Variants in AWAT2 observed in about 807,000 individuals in gnomAD.
The protein encoded by AWAT2 is acyl-CoA wax alcohol acyltransferase 2, also known as 11-cis-RE-synthase.
In AWAT2, 9 loss-of-function variants were observed where a neutral mutation model predicts 22.3. That is an observed-to-expected ratio of 0.40 (90% CI 0.24 to 0.70). The LOEUF (loss-of-function observed/expected upper bound fraction) is 0.70, where lower values mean the gene tolerates loss of function less well. Among genes scored for constraint, AWAT2 ranks in the 30% least tolerant of loss-of-function variants. The pLI is 0.36. For missense variants in AWAT2, 217 were observed against 265.9 expected (o/e 0.82, Z 1.28); for synonymous variants, 100 against 93.4 (o/e 1.07, Z -0.40).
rs1451706085 is a variant in AWAT2, at chrX:70,044,437, G to A, written c.111C>T (p.Leu37=). The change falls in exon 2 of 8, where the codon CTC becomes CTT. Residue 37 remains leucine, a synonymous_variant. Transcript: ENST00000276101. The stretch of plus-strand genomic sequence containing the variant: ...AGTATGGTGTGAACACCACCAGGTA[G>A]AGGTTGACAGCAATCACAGTGGTTG... The part of the protein sequence containing the change: ...LITTTVIAVN[L]YLVVFTPYWP... 7.4e-6 allele frequency: 9 copies of A among 1,211,710 alleles called. No homozygotes were observed. Among genetic ancestry groups the A allele is most frequent in the Non-Finnish European group, 1.0e-5 (9 of 895,434 alleles).
At chrX:70,043,419 A>G in intron 4 of AWAT2, 59 bp downstream of exon 4, 3 of 1,095,165 alleles carry the variant, frequency 2.7e-6, no homozygotes, top group South Asian at 2.0e-5. Flanking sequence ...GCATCCCCCT[A>G]CAATTCTCCC....
rs976629402 is a variant in AWAT2 at position 70,043,252 on chromosome X, T to C, written c.473-9A>G. 8 of 1,196,242 alleles carry C rather than the reference T, an allele frequency of 6.7e-6. No homozygotes were observed. Among genetic ancestry groups the C allele is most frequent in the Non-Finnish European group, 9.0e-6 (8 of 887,568 alleles). ...ACTCACAGAGCAGGCCCCTGGTGGATAGAAAAAGCCAAACAGCCACTGGTC... is the reference window on the plus strand; with the variant it reads ...ACTCACAGAGCAGGCCCCTGGTGGACAGAAAAAGCCAAACAGCCACTGGTC... On this transcript the variant is annotated splice_polypyrimidine_tract_variant and intron_variant, in intron 4 of 7. Transcript: ENST00000276101.
chrX:70,043,347 G>A (rs1189020762), intron 4 of AWAT2, 104 bp from the exon 5 acceptor site: 28 of 1,004,212 alleles, frequency 2.8e-5, no homozygotes, highest in Non-Finnish European at 3.8e-5. Context: ...CTAACATCAG[G>A]CAGGTGAGCC....
rs2020327471 is a variant in AWAT2, at chrX:70,041,533, C to T, written c.*125G>A. 6.8e-6 allele frequency: 2 copies of T among 293,322 alleles called. No homozygotes were observed. The highest frequency in any genetic ancestry group is 5.5e-5 in the African/African-American group (2 of 36,444). The allele number at this position is 293,322 out of a possible 1,213,427, so 24.2% of individuals were successfully genotyped here. ...CCATTGTTTTCCTCAATGCTGGCAC[C>T]AAAGTGCCGTCAGGGCACCTCTCCC... On this transcript the variant is annotated 3_prime_UTR_variant, in exon 8 of 8. Coordinates refer to ENST00000276101, the MANE Select transcript of AWAT2 (RefSeq NM_001002254.1).
chrX:70,043,009 CTT>C (rs1392125428), intron 5 of AWAT2, 58 bp downstream of exon 5: 2 of 1,075,621 alleles, frequency 1.9e-6, no homozygotes, highest in African/African-American at 1.9e-5. Context: ...ACCCCCTCTT[CTT>C]CTTTCCCTGC....
chrX:70,049,136 C>T (rs746547548), intron 1 of AWAT2, among the ~76,000 whole-genome samples: 9 of 111,803 alleles, frequency 8.0e-5, no homozygotes, highest in Non-Finnish European at 1.5e-4. Flanking sequence ...TATTCACTGG[C>T]GTGCCTCTGT....
Position 70,040,660 on chromosome X carries a change from G to T in AWAT2, c.*998C>A, listed in dbSNP as rs2020319465. ...GGCCACTGTATACAAATCATCACATGAGGCAGGCACCCAGGATAGAGGCAG... is the reference window on the plus strand; with the variant it reads ...GGCCACTGTATACAAATCATCACATTAGGCAGGCACCCAGGATAGAGGCAG... On this transcript the variant is annotated 3_prime_UTR_variant, in exon 8 of 8. Transcript: ENST00000276101. 8.9e-6 allele frequency: 1 copy of T among 112,484 alleles called. No individual in the cohort carries two copies. Among genetic ancestry groups the T allele is most frequent in the Admixed American group, 9.4e-5 (1 of 10,623 alleles). 9.3% of individuals were successfully genotyped at this position (112,484 alleles called of 1,213,427 possible).
chrX:70,047,003 A>AATT (rs79515248), intron 1 of AWAT2, among the ~76,000 whole-genome samples: 31,349 of 110,875 alleles, frequency 0.28, 3,508 homozygotes, highest in Non-Finnish European at 0.35. Context: ...AAAATAAAAT[A>AATT]ATAAAATAAA....
In AWAT2 at chrX:70,043,196, T is replaced by A; in HGVS notation, c.520A>T (p.Lys174Ter). 8.3e-7 allele frequency: 1 copy of A among 1,207,718 alleles called. No homozygotes were observed. Residue 174 changes from lysine to a stop codon, truncating the protein, a stop_gained, in exon 5 of 8, where the codon AAA (lysine) becomes TAA (stop). Transcript: ENST00000276101. LOFTEE classifies it high-confidence loss of function. The stretch of plus-strand genomic sequence containing the variant: ...ACAATGACCATGTTGCCTGTGCCTT[T>A]ATGAGTCAGCAGAAAGTCAATGGAG... ...RSSIDFLLTH[K>*]GTGNMVIVVI...
chrX:70,044,039 T>A (rs1307397633), intron 2 of AWAT2, 43 bp from the exon 3 acceptor site: 3 of 1,139,051 alleles, frequency 2.6e-6, no homozygotes, highest in Non-Finnish European at 3.5e-6. Flanking sequence ...CCATTCCCAC[T>A]GTGGGCCTGC....
At chrX:70,048,270 CA>C (rs921726671) in intron 1 of AWAT2, among the ~76,000 whole-genome samples, 1 of 111,128 alleles carries the variant, frequency 9.0e-6, no homozygotes, top group Non-Finnish European at 1.9e-5. Flanking sequence ...ACATGGCTCT[CA>C]AAAAAAGTCC....
intron 1 of AWAT2, 30 bp downstream of exon 1, chrX:70,049,818 T>C (rs2020385777): frequency 1.7e-6 from 2 of 1,206,977 alleles, no homozygotes; most frequent in Middle Eastern, 2.3e-4. Context: ...CCAGGATGGT[T>C]GGTCACCCTA....
rs2020349332 is a variant in AWAT2 at position 70,044,370 on chromosome X, A to C, written c.178T>G (p.Trp60Gly). 1 of 1,210,268 alleles carries C rather than the reference A, an allele frequency of 8.3e-7. No individual in the cohort carries two copies. Residue 60 changes from tryptophan (W) to glycine (G), a missense_variant, in exon 2 of 8, where the codon TGG (tryptophan) becomes GGG (glycine). Physicochemically the swap from Trp to Gly is radical, Grantham distance 184. Transcript: ENST00000276101. The part of the protein sequence containing the change: ...VLILTWLAFD[W>G]KTPQRGGRRF... Reference sequence around the variant, plus strand: ...TGCTTACCTCGCTGAGGGGTCTTCCAGTCAAAAGCCAGCCAGGTAAGAATA... The same window carrying C: ...TGCTTACCTCGCTGAGGGGTCTTCCCGTCAAAAGCCAGCCAGGTAAGAATA...
At position 70,043,992 on chromosome X, in the gene AWAT2, G is replaced by A; in HGVS notation, c.201C>T (p.Gly67=). The change falls in exon 3 of 8, where the codon GGC becomes GGT. Residue 67 remains glycine, a synonymous_variant. Coordinates refer to ENST00000276101, the MANE Select transcript of AWAT2 (RefSeq NM_001002254.1). The part of the protein sequence containing the change: ...AFDWKTPQRG[G]RRFTCVRHWR... The stretch of plus-strand genomic sequence containing the variant: ...AGTGCCTCACACAGGTAAACCGGCG[G>A]CCGCCTGAAAACAGAGGCAATGCAG... 8.4e-7 allele frequency: 1 copy of A among 1,192,178 alleles called. No individual in the cohort carries two copies.
At position 70,042,926 on chromosome X, in the gene AWAT2, C is replaced by T. The variant is rs372185892; in HGVS notation, c.647+143G>A. The stretch of plus-strand genomic sequence containing the variant: ...TTTTTAATTGACAAATAAAACTTAT[C>T]TTTCTGATGACCATAGTTCGTAAGA... On this transcript the variant is annotated intron_variant, in intron 5 of 7. Transcript: ENST00000276101. 571 of 468,881 alleles carry T rather than the reference C, an allele frequency of 1.2e-3. 1 individual carries two copies. The Middle Eastern group carries it at 0.015, about 12-fold the overall frequency. The allele number at this position is 468,881 out of a possible 1,213,427, so 38.6% of individuals were successfully genotyped here.
chrX:70,048,498 C>A (rs1303491166), intron 1 of AWAT2, among the ~76,000 whole-genome samples: 3 of 111,983 alleles, frequency 2.7e-5, no homozygotes, highest in African/African-American at 9.7e-5. Context: ...CCATGTGTTG[C>A]CCACTCTCTG....
intron 1 of AWAT2, among the ~76,000 whole-genome samples, chrX:70,047,634 A>C (rs2020371602): frequency 8.9e-6 from 1 of 111,830 alleles, no homozygotes; most frequent in South Asian, 3.8e-4. Flanking sequence ...CAATATCTGC[A>C]CTATTTCCCT....
chrX:70,045,862 A>G (rs928399411), intron 1 of AWAT2, among the ~76,000 whole-genome samples: 1 of 111,254 alleles, frequency 9.0e-6, no homozygotes, highest in Non-Finnish European at 1.9e-5. Context: ...GAGGGCAGCA[A>G]GCAGGGCCAG....
intron 1 of AWAT2, among the ~76,000 whole-genome samples, chrX:70,046,882 C>G: frequency 9.0e-6 from 1 of 111,293 alleles, no homozygotes; most frequent in East Asian, 2.8e-4. Context: ...GATGATACTT[C>G]TAGGATTGGA....
Sources: allele counts gnomAD v4.1 joint callset (sites outside exome capture counted in the v4.1 genomes callset), GRCh38; gene constraint gnomAD v4.1.1; transcripts MANE v1.5; gene names NCBI Gene and HGNC (gene_info 2026-07-23, HGNC 2026-07-21).